MYO16: variants seen among roughly 807,000 people sequenced by gnomAD.
MYO16 encodes myosin XVI.
Under a neutral mutation model 205.3 loss-of-function variants are expected in MYO16, and 94 were observed. The ratio of observed to expected loss-of-function variants is 0.46; its 90% CI spans 0.39 to 0.54. MYO16 has a LOEUF of 0.54. MYO16 is among the 20% of genes least tolerant of loss of function. MYO16 has a pLI of 0.00. For synonymous variants in MYO16, 988 were observed against 954.0 expected (o/e 1.04, Z -0.66); for missense variants, 2,315 against 2,387.5 (o/e 0.97, Z 0.63).
chr13:109,003,134 T>C (rs536135452), intron 21 of MYO16, among the ~76,000 whole-genome samples: 11 of 152,312 alleles, frequency 7.2e-5, no homozygotes, highest in African/African-American at 2.6e-4. Flanking sequence ...TTAAACTACA[T>C]ATGTTTCCAG....
chr13:109,179,519 C>A (rs1418394793), intron 33 of MYO16, 23 bp from the exon 34 acceptor site: 1 of 1,549,034 alleles, frequency 6.5e-7, no homozygotes, highest in African/African-American at 1.4e-5. Flanking sequence ...TGCTTAACTC[C>A]CGATTTGTGT....
intron 8 of MYO16, among the ~76,000 whole-genome samples, chr13:108,822,618 A>C (rs1876038828): frequency 6.6e-6 from 1 of 152,204 alleles, no homozygotes; most frequent in Admixed American, 6.6e-5. Context: ...TGCAATTGAT[A>C]AAGGTAAAAA....
rs146587658 is a variant in MYO16, at chr13:108,732,085, C to G, written c.507+4502C>G. Among the ~76,000 whole-genome samples, 510 of 152,266 alleles carry G rather than the reference C, an allele frequency of 3.3e-3. 2 individuals are homozygous for G. The highest frequency in any genetic ancestry group is 5.1e-3 in the Non-Finnish European group (345 of 68,022). ...TTCTAATTATTGTAAAAATACATTC[C>G]TGCCAATAACCTCAAAAGATAAATG... is the stretch of plus-strand genomic sequence containing the variant. On this transcript the variant is annotated intron_variant, in intron 4 of 34. Transcript: ENST00000457511.
chr13:108,567,158 G>T, the MYO16 span, among the ~76,000 whole-genome samples: 49 of 152,268 alleles, frequency 3.2e-4, no homozygotes, highest in African/African-American at 1.1e-3. Context: ...AGGATAAAAG[G>T]TTTGGAGGAT....
rs1566528687 is a variant in MYO16, at chr13:109,141,077, CCCCGGTGAA to C, written c.4867_4875del (p.Pro1623_Asn1625del). The C allele has an allele frequency of 6.9e-7, 1 of 1,457,916 alleles. No homozygotes were observed. The highest frequency in any genetic ancestry group is 2.9e-5 in the East Asian group (1 of 34,954). The allele number at this position is 1,457,916 out of a possible 1,614,324, so 90.3% of individuals were successfully genotyped here. ...CACTTGGCCTTCCCGCCGGAGCCCG[CCCCGGTGAA>C]CGCGGGGAAAGCGGGGCCGAGCGCA... On this transcript the variant is annotated inframe_deletion, in exon 32 of 35. Coordinates refer to ENST00000457511, the MANE Select transcript of MYO16 (RefSeq NM_001198950.3). This position sits in a 1 kb window ranked among gnomAD's most constrained non-coding sequence, Gnocchi z 4.1.
intron 3 of MYO16, among the ~76,000 whole-genome samples, chr13:108,717,503 G>A (rs984657824): frequency 7.9e-5 from 12 of 151,618 alleles, no homozygotes; most frequent in Admixed American, 1.3e-4. Flanking sequence ...GGTGGTGGGC[G>A]CCTGTAATCC....
intron 1 of MYO16, 96 bp from the exon 2 acceptor site, chr13:108,665,790 T>C (rs1159553752): frequency 7.9e-7 from 1 of 1,266,322 alleles, no homozygotes; most frequent in Admixed American, 2.8e-5. Flanking sequence ...ATTTATGACC[T>C]GTGCAATGGA....
chr13:109,034,715 T>C (rs1886657364), intron 23 of MYO16, among the ~76,000 whole-genome samples: 1 of 152,190 alleles, frequency 6.6e-6, no homozygotes, highest in South Asian at 2.1e-4. Flanking sequence ...CCTGATAACC[T>C]CCTCAATCCA....
chr13:108,734,228 A>T (rs1884617661), intron 4 of MYO16, among the ~76,000 whole-genome samples: 1 of 151,890 alleles, frequency 6.6e-6, no homozygotes, highest in South Asian at 2.1e-4. Flanking sequence ...ATATATTATT[A>T]AAAAATCTTT....
chr13:108,688,917 G>A (rs1285253957), intron 2 of MYO16, among the ~76,000 whole-genome samples: 1 of 152,182 alleles, frequency 6.6e-6, no homozygotes, highest in East Asian at 1.9e-4. Flanking sequence ...TACTAACCAA[G>A]TGGAGTTAGT....
At chr13:108,709,388 G>T (rs906591148) in intron 2 of MYO16, among the ~76,000 whole-genome samples, 1 of 141,450 alleles carries the variant, frequency 7.1e-6, no homozygotes, top group Non-Finnish European at 1.6e-5. Context: ...GATGCCGTTT[G>T]GGGTTAAGGG....
chr13:109,057,820 C>T (rs277835), intron 27 of MYO16, among the ~76,000 whole-genome samples: 32,027 of 151,894 alleles, frequency 0.21, 3,501 homozygotes, highest in Admixed American at 0.28. Context: ...GACCGGGCTC[C>T]CCCTGGTTTG....
At chr13:108,891,575 A>G (rs1037008757) in intron 14 of MYO16, among the ~76,000 whole-genome samples, 1 of 152,242 alleles carries the variant, frequency 6.6e-6, no homozygotes. Context: ...TGTACACATC[A>G]TAGGCCATGT....
chr13:108,691,021 A>T (rs879607622), intron 2 of MYO16, among the ~76,000 whole-genome samples: 3 of 152,166 alleles, frequency 2.0e-5, no homozygotes, highest in Non-Finnish European at 2.9e-5. Context: ...CTTATGGTAG[A>T]TGTAGGTTTT....
rs1879705511 is a variant in MYO16 at position 108,883,203 on chromosome 13, C to T, written c.1553+17C>T. 1.9e-6 allele frequency: 3 copies of T among 1,608,824 alleles called. No homozygotes were observed. Among genetic ancestry groups the T allele is most frequent in the Middle Eastern group, 1.6e-4 (1 of 6,066 alleles). On this transcript the variant is annotated intron_variant, in intron 13 of 34. Coordinates refer to ENST00000457511, the MANE Select transcript of MYO16 (RefSeq NM_001198950.3). ...CATCCTCAGGTGAGTCCTCCTCAACCTTGTCTGCCAGGCTCAGGTTTGCCA... is the reference window on the plus strand; with the variant it reads ...CATCCTCAGGTGAGTCCTCCTCAACTTTGTCTGCCAGGCTCAGGTTTGCCA...
intron 2 of MYO16, among the ~76,000 whole-genome samples, chr13:108,689,505 G>T (rs1882810132): frequency 6.6e-6 from 1 of 151,992 alleles, no homozygotes; most frequent in Non-Finnish European, 1.5e-5. Context: ...TTACTTGAGT[G>T]ACCCATAAGG....
chr13:109,096,906 G>A (rs277848), intron 27 of MYO16, among the ~76,000 whole-genome samples: 41,185 of 152,104 alleles, frequency 0.27, 5,651 homozygotes, highest in Middle Eastern at 0.32. Flanking sequence ...TTACAAAGTG[G>A]GACCTAAATC....
chr13:109,014,560 AT>A (rs1487428218), intron 22 of MYO16, among the ~76,000 whole-genome samples: 1 of 152,138 alleles, frequency 6.6e-6, no homozygotes, highest in Non-Finnish European at 1.5e-5. Flanking sequence ...CTTGGGCAGT[AT>A]GGCCATTTTC....
intron 5 of MYO16, among the ~76,000 whole-genome samples, chr13:108,789,395 A>G (rs1886549323): frequency 6.6e-6 from 1 of 151,988 alleles, no homozygotes; most frequent in South Asian, 2.1e-4. Context: ...TCTTGCCCCC[A>G]GTATTAGCCC....
Sources: gnomAD v4.1 joint callset for allele counts (sites outside exome capture counted in the v4.1 genomes callset) on GRCh38, gnomAD v4.1.1 for gene constraint, Gnocchi (gnomAD v3.1) non-coding constraint, MANE v1.5 for transcripts, NCBI Gene and HGNC (gene_info 2026-07-23, HGNC 2026-07-21) for gene names.